MAP3K7CL: variants seen among roughly 807,000 people sequenced by gnomAD.
MAP3K7CL encodes the protein MAP3K7 C-terminal like, also known as MAP3K7 C-terminal-like protein.
A neutral mutation model predicts 18.6 loss-of-function variants in MAP3K7CL; 16 were observed. The observed-to-expected ratio is 0.86, with a 90% CI of 0.58 to 1.31. The LOEUF is 1.31. Ranked by LOEUF, MAP3K7CL falls within the 50% of genes most tolerant of loss-of-function variation. The pLI is 0.00. For missense variants in MAP3K7CL, 163 were observed against 174.4 expected (o/e 0.93, Z 0.37); for synonymous variants, 65 against 66.8 (o/e 0.97, Z 0.13).
chr21:29,109,399 A>AG, intron 4 of MAP3K7CL: 1 of 1,336,920 alleles, frequency 7.5e-7, no homozygotes, highest in Non-Finnish European at 9.6e-7. Context: ...GAGCTTTAAA[A>AG]AATGCTCAGC....
chr21:29,081,804 CCA>C (rs1366165782), upstream of MAP3K7CL, among the ~76,000 whole-genome samples: 1 of 152,210 alleles, frequency 6.6e-6, no homozygotes, highest in Non-Finnish European at 1.5e-5. Flanking sequence ...CAAGTTTCTT[CCA>C]CATCAAATTA....
At chr21:29,121,340 T>C (rs1470777201) in intron 4 of MAP3K7CL, among the ~76,000 whole-genome samples, 1 of 152,020 alleles carries the variant, frequency 6.6e-6, no homozygotes, top group Non-Finnish European at 1.5e-5. Context: ...AAGCTGACCA[T>C]GAAGTGGAGT....
intron 2 of MAP3K7CL, among the ~76,000 whole-genome samples, chr21:29,145,377 G>C (rs2087105102): frequency 6.6e-6 from 1 of 152,032 alleles, no homozygotes; most frequent in African/African-American, 2.4e-5. Context: ...CTTAACTGCT[G>C]TCAGGAACTC....
At chr21:29,159,875 G>A in intron 3 of MAP3K7CL, 66 bp from the exon 4 acceptor site, 2 of 1,289,800 alleles carry the variant, frequency 1.6e-6, no homozygotes, top group Non-Finnish European at 2.2e-6. Flanking sequence ...ACATCAGCGA[G>A]CAAAATGGTT....
At chr21:29,115,971 AGTGAATTGGTG>A (rs1338031389) in intron 4 of MAP3K7CL, among the ~76,000 whole-genome samples, 2 of 152,268 alleles carry the variant, frequency 1.3e-5, no homozygotes, top group African/African-American at 4.8e-5. Flanking sequence ...AGAGTAACGC[AGTGAATTGGTG>A]GTAAAGCGAG....
intron 2 of MAP3K7CL, among the ~76,000 whole-genome samples, chr21:29,141,386 G>T (rs960742636): frequency 6.6e-6 from 1 of 151,960 alleles, no homozygotes; most frequent in African/African-American, 2.4e-5. Flanking sequence ...GGTGGCAGGT[G>T]CCTGTAGTCC....
At chr21:29,151,469 G>A (rs113390221) in intron 3 of MAP3K7CL, among the ~76,000 whole-genome samples, 19 of 151,956 alleles carry the variant, frequency 1.3e-4, no homozygotes, top group African/African-American at 2.9e-4. Flanking sequence ...GCAAGACTCC[G>A]TCTCAAAAAA....
intron 1 of MAP3K7CL, among the ~76,000 whole-genome samples, chr21:29,132,389 A>G (rs1299427216): frequency 6.6e-6 from 1 of 152,118 alleles, no homozygotes; most frequent in Admixed American, 6.5e-5. Flanking sequence ...CTTTGCTTTT[A>G]TAGAGTGTTA....
chr21:29,085,875 T>G, exon 1 of MAP3K7CL: 1 of 1,614,160 alleles, frequency 6.2e-7, no homozygotes, highest in Non-Finnish European at 8.5e-7. Flanking sequence ...TTCAGCTGAT[T>G]GCACCTTTAG....
chr21:29,085,961 T>G, intron 1 of MAP3K7CL: 1,084 of 1,446,774 alleles, frequency 7.5e-4, no homozygotes, highest in Non-Finnish European at 9.7e-4. Flanking sequence ...AACTGTCGAC[T>G]ATAATCCTGT....
chr21:29,159,635 A>G (rs1389057929), intron 3 of MAP3K7CL, among the ~76,000 whole-genome samples: 1 of 152,096 alleles, frequency 6.6e-6, no homozygotes, highest in Non-Finnish European at 1.5e-5. Flanking sequence ...TCCTTTGGAG[A>G]CTTATTTTTA....
intron 2 of MAP3K7CL, 86 bp downstream of exon 2, chr21:29,133,500 T>C: frequency 9.9e-7 from 1 of 1,011,688 alleles, no homozygotes; most frequent in South Asian, 2.2e-5. Flanking sequence ...TGTGGAAAAT[T>C]TAAAGTTGCA....
At chr21:29,112,631 TA>T (rs2086438315) in intron 4 of MAP3K7CL, among the ~76,000 whole-genome samples, 1 of 152,128 alleles carries the variant, frequency 6.6e-6, no homozygotes, top group African/African-American at 2.4e-5. Flanking sequence ...ATAATTAGTA[TA>T]TTTTTTCATT....
chr21:29,116,159 T>C (rs898782769), intron 4 of MAP3K7CL, among the ~76,000 whole-genome samples: 1 of 152,234 alleles, frequency 6.6e-6, no homozygotes, highest in African/African-American at 2.4e-5. Flanking sequence ...TTTGTTTTTA[T>C]TCGTTATTTC....
intron 4 of MAP3K7CL, among the ~76,000 whole-genome samples, chr21:29,118,630 T>C (rs1441045346): frequency 6.6e-6 from 1 of 152,180 alleles, no homozygotes; most frequent in Non-Finnish European, 1.5e-5. Flanking sequence ...GTGAGGGCCT[T>C]GATCTGTGAA....
chr21:29,084,612 T>C (rs1014851865), upstream of MAP3K7CL, among the ~76,000 whole-genome samples: 2 of 152,266 alleles, frequency 1.3e-5, no homozygotes, highest in African/African-American at 4.8e-5. Context: ...TGTCTATTTA[T>C]GTAGCAGTCT....
intron 4 of MAP3K7CL, among the ~76,000 whole-genome samples, chr21:29,169,334 G>T (rs1026888847): frequency 6.6e-6 from 1 of 152,142 alleles, no homozygotes; most frequent in Non-Finnish European, 1.5e-5. Context: ...ACATAGTCTA[G>T]ACTGAGCATT....
intron 1 of MAP3K7CL, chr21:29,131,597 A>C (rs1367331957): frequency 1.3e-5 from 2 of 152,136 alleles, no homozygotes; most frequent in African/African-American, 4.8e-5. Flanking sequence ...TCATGTCACT[A>C]TTTCTTTCTA....
intron 1 of MAP3K7CL, among the ~76,000 whole-genome samples, chr21:29,087,596 T>C (rs906461333): frequency 7.6e-5 from 11 of 145,078 alleles, no homozygotes; most frequent in South Asian, 2.2e-4. Flanking sequence ...TTTCTTTTTT[T>C]TTTTTTTTTT....
Sources: gnomAD v4.1 joint callset for allele counts (sites outside exome capture counted in the v4.1 genomes callset) on GRCh38, gnomAD v4.1.1 for gene constraint, MANE v1.5 for transcripts, NCBI Gene and HGNC (gene_info 2026-07-23, HGNC 2026-07-21) for gene names.